VSTM5: variants seen among roughly 807,000 people sequenced by gnomAD.
VSTM5 encodes V-set and transmembrane domain-containing protein 5.
A neutral mutation model predicts 20.3 loss-of-function variants in VSTM5; 21 were observed. The ratio of observed to expected loss-of-function variants is 1.03; its 90% CI spans 0.73 to 1.49. VSTM5 has a LOEUF of 1.49. VSTM5 is among the 40% of genes most tolerant of loss of function. The pLI is 0.00. For missense variants in VSTM5, 219 were observed against 250.0 expected (o/e 0.88, Z 0.84); for synonymous variants, 100 against 102.5 (o/e 0.98, Z 0.14).
At chr11:93,843,773 C>G (rs952412077) in intron 1 of VSTM5, among the ~76,000 whole-genome samples, 1 of 152,198 alleles carries the variant, frequency 6.6e-6, no homozygotes, top group African/African-American at 2.4e-5. Context: ...TTCCCTGGCT[C>G]TGACAGACCT....
At chr11:93,848,472 C>A (rs923635953) in intron 1 of VSTM5, among the ~76,000 whole-genome samples, 7 of 152,196 alleles carry the variant, frequency 4.6e-5, no homozygotes, top group African/African-American at 1.7e-4. Context: ...TACCTGGCCT[C>A]CAGGTTTTGC....
At chr11:93,829,886 T>A (rs79182986) in intron 1 of VSTM5, among the ~76,000 whole-genome samples, 1 of 152,208 alleles carries the variant, frequency 6.6e-6, no homozygotes, top group South Asian at 2.1e-4. Flanking sequence ...GAGCAGAGAT[T>A]CAAAACCGAG....
chr11:93,838,787 G>C (rs1187830614), intron 1 of VSTM5, among the ~76,000 whole-genome samples: 4 of 152,186 alleles, frequency 2.6e-5, no homozygotes, highest in Admixed American at 6.5e-5. Context: ...GACAGAGCGA[G>C]ACCCTGTCTA....
chr11:93,834,770 G>A (rs186281762), intron 1 of VSTM5, among the ~76,000 whole-genome samples: 6,200 of 129,494 alleles, frequency 0.048, 446 homozygotes, highest in African/African-American at 0.18. Context: ...GCGACAGAGT[G>A]AGACTCCGTC....
Position 93,819,119 on chromosome 11 carries a change from A to T in VSTM5, c.*1450T>A, listed in dbSNP as rs1208567813. The T allele has an allele frequency of 6.6e-6, 1 of 152,236 alleles. No individual in the cohort carries two copies. Among genetic ancestry groups the T allele is most frequent in the Admixed American group, 6.5e-5 (1 of 15,282 alleles). 9.4% of individuals were successfully genotyped at this position (152,236 alleles called of 1,614,324 possible). A position where few individuals can be genotyped will look rare whatever the true frequency, so the allele number is the denominator to read the frequency against. On this transcript the variant is annotated 3_prime_UTR_variant, in exon 4 of 4. Transcript: ENST00000409977. ...CTTATCCAAGCAACTCCTCTGCCAC[A>T]TAGGAAATAGAGAAGATATGGACAT...
intron 1 of VSTM5, among the ~76,000 whole-genome samples, chr11:93,825,313 G>A (rs995146730): frequency 4.6e-5 from 7 of 152,152 alleles, no homozygotes; most frequent in Non-Finnish European, 8.8e-5. Flanking sequence ...GGGACTATAG[G>A]TGTGCACCAC....
rs753529982 is a variant in VSTM5, at chr11:93,820,453, C to G, written c.*116G>C. The G allele has an allele frequency of 4.5e-6, 5 of 1,098,908 alleles. No individual in the cohort carries two copies. The highest frequency in any genetic ancestry group is 6.7e-6 in the Non-Finnish European group (5 of 751,746). 68.1% of individuals were successfully genotyped at this position (1,098,908 alleles called of 1,614,324 possible). On this transcript the variant is annotated 3_prime_UTR_variant, in exon 4 of 4. Transcript: ENST00000409977. ...TCAATGTTGTTAATCTCCCACTGTCCTGTTAGGAGCGGGCTGCAACAGGAC... is the reference window on the plus strand; with the variant it reads ...TCAATGTTGTTAATCTCCCACTGTCGTGTTAGGAGCGGGCTGCAACAGGAC...
intron 1 of VSTM5, among the ~76,000 whole-genome samples, chr11:93,827,178 G>A (rs1944245632): frequency 6.6e-6 from 1 of 152,152 alleles, no homozygotes; most frequent in Non-Finnish European, 1.5e-5. Context: ...GAGTTTGGGA[G>A]TTCAAGACCA....
At chr11:93,829,737 C>T (rs1944266916) in intron 1 of VSTM5, among the ~76,000 whole-genome samples, 1 of 152,282 alleles carries the variant, frequency 6.6e-6, no homozygotes, top group East Asian at 1.9e-4. Flanking sequence ...CACCCCATTT[C>T]AGTTGGGACC....
At chr11:93,846,188 C>G (rs1278238680) in intron 1 of VSTM5, among the ~76,000 whole-genome samples, 1 of 92,720 alleles carries the variant, frequency 1.1e-5, no homozygotes, top group African/African-American at 4.4e-5. Context: ...TGAATTCTGA[C>G]TTTAGATATA....
intron 1 of VSTM5, among the ~76,000 whole-genome samples, chr11:93,839,528 G>T (rs1208847742): frequency 1.3e-5 from 2 of 152,192 alleles, no homozygotes; most frequent in Non-Finnish European, 2.9e-5. Context: ...TGCTTTGCAT[G>T]GTTGTGAAAA....
At chr11:93,837,434 G>C (rs1169964603) in intron 1 of VSTM5, among the ~76,000 whole-genome samples, 1 of 152,136 alleles carries the variant, frequency 6.6e-6, no homozygotes, top group African/African-American at 2.4e-5. Flanking sequence ...ACACAGCCCA[G>C]TTTCTGAGTT....
rs79334559 is a variant in VSTM5, at chr11:93,846,601, G to A, written c.91+3811C>T. Among the ~76,000 whole-genome samples, 5 of 131,712 alleles carry A rather than the reference G, an allele frequency of 3.8e-5. No individual in the cohort carries two copies. The East Asian group carries it at 1.2e-3, about 31-fold the overall frequency. The allele number at this position is 131,712 out of a possible 152,430, so 86.4% of individuals were successfully genotyped here. A position where few individuals can be genotyped will look rare whatever the true frequency, so the allele number is the denominator to read the frequency against. On this transcript the variant is annotated intron_variant, in intron 1 of 3. Coordinates refer to ENST00000409977, the MANE Select transcript of VSTM5 (RefSeq NM_001144871.2). The stretch of plus-strand genomic sequence containing the variant: ...GAAAGCTTAATTGTCCATCAGTGGG[G>A]TCTGGCTAAGTAAAAAGCAGCATAT...
At position 93,840,505 on chromosome 11, in the gene VSTM5, T is replaced by C. The variant is rs75898249; in HGVS notation, c.91+9907A>G. Among the ~76,000 whole-genome samples, 1,211 of 152,326 alleles carry C rather than the reference T, an allele frequency of 8.0e-3. 18 individuals are homozygous for C. Among genetic ancestry groups the C allele is most frequent in the African/African-American group, 0.027 (1,114 of 41,574 alleles). On this transcript the variant is annotated intron_variant, in intron 1 of 3. Transcript: ENST00000409977. ...GCCAAAGAACTATGTGAAAGAGCAG[T>C]GTTGGAGACACTAGGGACAGCTCTT...
In VSTM5 at chr11:93,850,509, G is replaced by T; in HGVS notation, c.-7C>A. 1.3e-6 allele frequency: 2 copies of T among 1,547,632 alleles called. No individual in the cohort carries two copies. Among genetic ancestry groups the T allele is most frequent in the Non-Finnish European group, 1.7e-6 (2 of 1,145,448 alleles). On this transcript the variant is annotated 5_prime_UTR_variant, in exon 1 of 4. Coordinates refer to ENST00000409977, the MANE Select transcript of VSTM5 (RefSeq NM_001144871.2). ...CGCTGGGCAGAGGCCTCATGGGCGA[G>T]CCCGGGGCCTCGCGGGCCGGGGTGT... is the stretch of plus-strand genomic sequence containing the variant.
At chr11:93,835,581 T>G (rs1017885978) in intron 1 of VSTM5, among the ~76,000 whole-genome samples, 6 of 152,186 alleles carry the variant, frequency 3.9e-5, no homozygotes, top group African/African-American at 1.4e-4. Context: ...TATTCTTTAT[T>G]CTCTCCCTAG....
intron 1 of VSTM5, among the ~76,000 whole-genome samples, chr11:93,825,677 A>G (rs892627419): frequency 1.3e-5 from 2 of 151,752 alleles, no homozygotes; most frequent in African/African-American, 4.8e-5. Flanking sequence ...CCTTCTTTGT[A>G]AATTTATTCC....
intron 1 of VSTM5, among the ~76,000 whole-genome samples, chr11:93,833,411 T>C (rs1944298044): frequency 6.6e-6 from 1 of 151,992 alleles, no homozygotes; most frequent in African/African-American, 2.4e-5. Flanking sequence ...AAACCCCATC[T>C]CTGCAAAAAA....
chr11:93,831,234 G>GT (rs1284354596), intron 1 of VSTM5, among the ~76,000 whole-genome samples: 1 of 152,052 alleles, frequency 6.6e-6, no homozygotes, highest in Non-Finnish European at 1.5e-5. Flanking sequence ...TCACCATGGT[G>GT]TTCAGGCAGG....
Sources: gnomAD v4.1 joint callset for allele counts (sites outside exome capture counted in the v4.1 genomes callset) on GRCh38, gnomAD v4.1.1 for gene constraint, MANE v1.5 for transcripts, NCBI Gene and HGNC (gene_info 2026-07-23, HGNC 2026-07-21) for gene names.